Variants in LRRTM3 observed in about 807,000 individuals in gnomAD.
The protein encoded by LRRTM3 is leucine-rich repeat transmembrane neuronal protein 3.
A neutral mutation model predicts 44.7 loss-of-function variants in LRRTM3; 24 were observed. The ratio of observed to expected loss-of-function variants is 0.54; its 90% CI spans 0.39 to 0.76. The LOEUF (loss-of-function observed/expected upper bound fraction) is 0.76. LRRTM3 is among the 30% of genes least tolerant of loss of function. LRRTM3 has a pLI of 0.00. For missense variants in LRRTM3, 587 were observed against 702.2 expected (o/e 0.84, Z 1.85); for synonymous variants, 277 against 278.7 (o/e 0.99, Z 0.06).
intron 2 of LRRTM3, among the ~76,000 whole-genome samples, chr10:67,044,834 A>G (rs918490827): frequency 2.0e-5 from 3 of 152,308 alleles, no homozygotes; most frequent in Admixed American, 6.5e-5. Context: ...TCCAAATCTA[A>G]GTAACCTCAG....
intron 2 of LRRTM3, among the ~76,000 whole-genome samples, chr10:67,062,504 T>C (rs1301390514): frequency 6.6e-6 from 1 of 152,172 alleles, no homozygotes; most frequent in East Asian, 1.9e-4. Flanking sequence ...AGCCATTCTT[T>C]TTGGTTGAAA....
Position 66,996,168 on chromosome 10 carries a change from T to C in LRRTM3, c.1536+67716T>C, listed in dbSNP as rs190524951. The stretch of plus-strand genomic sequence containing the variant: ...TGCACAAGTAGGTCTCAAAGCTCTG[T>C]TGATAAATGAAGTTTAATGGTTTCA... On this transcript the variant is annotated intron_variant, in intron 2 of 2. Transcript: ENST00000361320. Among the ~76,000 whole-genome samples, 24 of 152,310 alleles carry C rather than the reference T, an allele frequency of 1.6e-4. 1 individual carries two copies. In the East Asian group the frequency reaches 4.4e-3, roughly 28 times the overall value.
At chr10:67,006,035 T>A (rs1851967046) in intron 2 of LRRTM3, among the ~76,000 whole-genome samples, 1 of 152,056 alleles carries the variant, frequency 6.6e-6, no homozygotes, top group African/African-American at 2.4e-5. Flanking sequence ...CAGCATCTTA[T>A]CTCATTATTC....
chr10:66,957,942 C>A (rs1317757888), intron 2 of LRRTM3, among the ~76,000 whole-genome samples: 2 of 151,974 alleles, frequency 1.3e-5, no homozygotes, highest in Non-Finnish European at 2.9e-5. Context: ...CAACCAGAAG[C>A]AGTGAGAGGG....
chr10:67,032,270 T>C (rs1853775015), intron 2 of LRRTM3, among the ~76,000 whole-genome samples: 1 of 152,196 alleles, frequency 6.6e-6, no homozygotes, highest in African/African-American at 2.4e-5. Context: ...TCATTGCTTT[T>C]TTTTTGTTTG....
intron 2 of LRRTM3, among the ~76,000 whole-genome samples, chr10:66,995,067 A>T (rs887555685): frequency 6.6e-6 from 1 of 152,190 alleles, no homozygotes; most frequent in Non-Finnish European, 1.5e-5. Flanking sequence ...TCTCTAGCCC[A>T]AGATGTGTCA....
At chr10:67,068,063 A>G (rs1488161863) in intron 2 of LRRTM3, among the ~76,000 whole-genome samples, 1 of 152,220 alleles carries the variant, frequency 6.6e-6, no homozygotes, top group Admixed American at 6.5e-5. Flanking sequence ...TGCCGGGTTC[A>G]TTGTGCAGAA....
At chr10:67,057,700 C>T (rs1262274313) in intron 2 of LRRTM3, among the ~76,000 whole-genome samples, 1 of 152,072 alleles carries the variant, frequency 6.6e-6, no homozygotes, top group Non-Finnish European at 1.5e-5. Context: ...GGGTCCTCAG[C>T]CCTGTCCTGA....
At chr10:67,033,585 C>T (rs1239564498) in intron 2 of LRRTM3, among the ~76,000 whole-genome samples, 1 of 152,162 alleles carries the variant, frequency 6.6e-6, no homozygotes, top group Non-Finnish European at 1.5e-5. Context: ...ATGTGCCGAG[C>T]ACTGTTCTAA....
intron 2 of LRRTM3, among the ~76,000 whole-genome samples, chr10:67,050,351 A>G (rs1441757039): frequency 6.6e-6 from 1 of 152,188 alleles, no homozygotes; most frequent in African/African-American, 2.4e-5. Context: ...TTTGCAACTG[A>G]ATTTTATAGA....
chr10:66,938,016 G>C (rs1847805040), intron 2 of LRRTM3, among the ~76,000 whole-genome samples: 1 of 151,964 alleles, frequency 6.6e-6, no homozygotes, highest in Non-Finnish European at 1.5e-5. Flanking sequence ...AATGGTGGCT[G>C]ATACAGTCTT....
At chr10:67,063,801 T>C (rs1855902506) in intron 2 of LRRTM3, among the ~76,000 whole-genome samples, 1 of 152,222 alleles carries the variant, frequency 6.6e-6, no homozygotes, top group Non-Finnish European at 1.5e-5. Context: ...GGAGAAGATC[T>C]CTAAGTTGCT....
chr10:66,993,606 T>C (rs2132945126), intron 2 of LRRTM3, among the ~76,000 whole-genome samples: 1 of 152,002 alleles, frequency 6.6e-6, no homozygotes, highest in East Asian at 1.9e-4. Context: ...AATTTTATAA[T>C]GTGATTTTTG....
chr10:67,030,124 G>A (rs1853627895), intron 2 of LRRTM3, among the ~76,000 whole-genome samples: 1 of 152,176 alleles, frequency 6.6e-6, no homozygotes, highest in African/African-American at 2.4e-5. Context: ...TCAAAGTTTA[G>A]CTAAATTAAT....
intron 2 of LRRTM3, among the ~76,000 whole-genome samples, chr10:67,070,639 T>C (rs1280326722): frequency 1.3e-5 from 2 of 151,340 alleles, no homozygotes; most frequent in Non-Finnish European, 3.0e-5. Flanking sequence ...CCCAGCTGCT[T>C]GGGAGGCTGA....
intron 2 of LRRTM3, among the ~76,000 whole-genome samples, chr10:66,971,945 G>A (rs1385061093): frequency 2.0e-5 from 3 of 150,276 alleles, no homozygotes; most frequent in African/African-American, 7.4e-5. Context: ...ATTCCATTCT[G>A]TAATATTTGT....
Position 67,100,030 on chromosome 10 carries a change from G to T in LRRTM3, c.*2234G>T, listed in dbSNP as rs1589738524. 6.6e-6 allele frequency among the ~76,000 whole-genome samples: 1 copy of T among 151,736 alleles called. No homozygotes were observed. Among genetic ancestry groups the T allele is most frequent in the African/African-American group, 2.4e-5 (1 of 41,468 alleles). ...TATCCTTGCAAAGATAGAAAAAGAA[G>T]AATTAATTTGTGTAAACAAGCACAA... On this transcript the variant is annotated 3_prime_UTR_variant, in exon 3 of 3. Coordinates refer to ENST00000361320, the MANE Select transcript of LRRTM3 (RefSeq NM_178011.5).
intron 2 of LRRTM3, among the ~76,000 whole-genome samples, chr10:67,046,112 G>GA (rs34309255): frequency 0.45 from 67,925 of 151,938 alleles, 15,517 homozygotes; most frequent in Middle Eastern, 0.61. Flanking sequence ...GCTAATCCCA[G>GA]AAAAGGCAGT....
chr10:66,938,132 A>G (rs1217172785), intron 2 of LRRTM3, among the ~76,000 whole-genome samples: 1 of 152,206 alleles, frequency 6.6e-6, no homozygotes, highest in Non-Finnish European at 1.5e-5. Context: ...ACTTAATTGT[A>G]TCAACCTTAT....
Sources: gnomAD v4.1 joint callset for allele counts (sites outside exome capture counted in the v4.1 genomes callset) on GRCh38, gnomAD v4.1.1 for gene constraint, MANE v1.5 for transcripts, NCBI Gene and HGNC (gene_info 2026-07-23, HGNC 2026-07-21) for gene names.